IQGAP2: variants seen among roughly 807,000 people sequenced by gnomAD.
The protein encoded by IQGAP2 is ras GTPase-activating-like protein IQGAP2.
Under a neutral mutation model 201.3 loss-of-function variants are expected in IQGAP2, and 173 were observed. That is an observed-to-expected ratio of 0.86 (90% CI 0.76 to 0.98). IQGAP2 has a LOEUF of 0.98. Ranked by LOEUF, IQGAP2 falls within the 50% of genes least tolerant of loss-of-function variation. The probability of loss-of-function intolerance (pLI) is 0.00; values close to 1 mark genes in which losing one functional copy is unlikely to be tolerated. For missense variants in IQGAP2, 1,687 were observed against 1,864.8 expected (o/e 0.90, Z 1.76); for synonymous variants, 675 against 673.9 (o/e 1.00, Z -0.03).
chr5:76,506,505 G>C (rs1757614970), intron 2 of IQGAP2, among the ~76,000 whole-genome samples: 1 of 152,172 alleles, frequency 6.6e-6, no homozygotes, highest in South Asian at 2.1e-4. Flanking sequence ...TGACATAACA[G>C]TTAAGACAAC....
intron 1 of IQGAP2, among the ~76,000 whole-genome samples, chr5:76,448,396 C>G (rs1753534340): frequency 6.6e-6 from 1 of 152,154 alleles, no homozygotes; most frequent in South Asian, 2.1e-4. Context: ...GAATTCACAG[C>G]CTTCTTTTAT....
chr5:76,534,094 C>A (rs572331306), intron 2 of IQGAP2, among the ~76,000 whole-genome samples: 1 of 152,164 alleles, frequency 6.6e-6, no homozygotes, highest in Non-Finnish European at 1.5e-5. Context: ...TGACATTTTA[C>A]AGTGTTTTGA....
chr5:76,451,889 TAAATG>T (rs1753776213), intron 1 of IQGAP2, among the ~76,000 whole-genome samples: 2 of 152,048 alleles, frequency 1.3e-5, no homozygotes, highest in African/African-American at 4.8e-5. Flanking sequence ...ACAAAATAAT[TAAATG>T]AACGTGGTGA....
Position 76,483,780 on chromosome 5 carries a change from C to T in IQGAP2, c.146+22111C>T, listed in dbSNP as rs147565771. On this transcript the variant is annotated intron_variant, in intron 2 of 35. Coordinates refer to ENST00000274364, the MANE Select transcript of IQGAP2 (RefSeq NM_006633.5). ...TATAATTTTGTTCTCTTATGCTAGTCCTGCAGCCTCTTCTTTCCATCCCCA... is the reference window on the plus strand; with the variant it reads ...TATAATTTTGTTCTCTTATGCTAGTTCTGCAGCCTCTTCTTTCCATCCCCA... Among the ~76,000 whole-genome samples, 3 of 152,320 alleles carry T rather than the reference C, an allele frequency of 2.0e-5. 1 individual carries two copies. In the East Asian group the frequency reaches 5.8e-4, roughly 29 times the overall value.
chr5:76,421,913 T>C (rs1015750180), intron 1 of IQGAP2, among the ~76,000 whole-genome samples: 2 of 152,210 alleles, frequency 1.3e-5, no homozygotes, highest in Admixed American at 1.3e-4. Context: ...GGTCTTAACT[T>C]CCCTAGCTCA....
chr5:76,655,403 T>TTCCTACAA (rs549266332), intron 20 of IQGAP2, among the ~76,000 whole-genome samples: 92 of 152,330 alleles, frequency 6.0e-4, no homozygotes, highest in South Asian at 1.9e-3. Flanking sequence ...TGCAAATATC[T>TTCCTACAA]TCCTACAATT....
chr5:76,677,126 C>T (rs2303162), intron 27 of IQGAP2, 92 bp from the exon 28 acceptor site: 247,462 of 1,254,666 alleles, frequency 0.2, 27,098 homozygotes, highest in South Asian at 0.36. Flanking sequence ...GAACAAAGTA[C>T]ATGTCATCAT....
At chr5:76,647,676 C>G (rs1752164324) in intron 17 of IQGAP2, among the ~76,000 whole-genome samples, 1 of 152,130 alleles carries the variant, frequency 6.6e-6, no homozygotes, top group Non-Finnish European at 1.5e-5. Context: ...TCTTCCCAGT[C>G]TCAGGTATGT....
Position 76,693,352 on chromosome 5 carries a change from A to G in IQGAP2, c.3906-3A>G, listed in dbSNP as rs937969578. On this transcript the variant is annotated splice_polypyrimidine_tract_variant and splice_region_variant and intron_variant, in intron 30 of 35. Coordinates refer to ENST00000274364, the MANE Select transcript of IQGAP2 (RefSeq NM_006633.5). ...AGTCTGTCTCTTTCTCTGGTTTGTT[A>G]AGGACCAAGAAGCTGATAATTGATG... is the stretch of plus-strand genomic sequence containing the variant. 3.7e-6 allele frequency: 6 copies of G among 1,608,740 alleles called. No homozygotes were observed. The African/African-American group carries it at 8.0e-5, about 22-fold the overall frequency.
At chr5:76,488,063 ATCTGTGGTTT>A (rs986909971) in intron 2 of IQGAP2, among the ~76,000 whole-genome samples, 1 of 152,144 alleles carries the variant, frequency 6.6e-6, no homozygotes, top group African/African-American at 2.4e-5. Context: ...TGAGCCTCTC[ATCTGTGGTTT>A]TCTTGGGGAA....
At chr5:76,672,028 TA>T in intron 24 of IQGAP2, 45 bp downstream of exon 24, 1 of 1,393,634 alleles carries the variant, frequency 7.2e-7, no homozygotes, top group Non-Finnish European at 1.0e-6. Flanking sequence ...TGTTTTATGA[TA>T]TTTTTACATG....
intron 1 of IQGAP2, among the ~76,000 whole-genome samples, chr5:76,425,379 G>T (rs533500450): frequency 3.3e-5 from 5 of 152,180 alleles, no homozygotes; most frequent in African/African-American, 1.2e-4. Flanking sequence ...AGTCTGAATA[G>T]CAAACAGCTG....
intron 30 of IQGAP2, among the ~76,000 whole-genome samples, chr5:76,691,156 A>G (rs892841881): frequency 3.3e-5 from 5 of 152,292 alleles, no homozygotes; most frequent in East Asian, 1.9e-4. Flanking sequence ...GTTCCCTGTC[A>G]TGGGACTGGA....
intron 1 of IQGAP2, among the ~76,000 whole-genome samples, chr5:76,412,403 A>G (rs1486951147): frequency 1.3e-5 from 2 of 152,138 alleles, no homozygotes; most frequent in African/African-American, 4.8e-5. Flanking sequence ...TGGGCCCAAG[A>G]GATCCTCCCG....
intron 2 of IQGAP2, among the ~76,000 whole-genome samples, chr5:76,558,912 T>TC (rs112510432): frequency 6.6e-6 from 1 of 152,012 alleles, no homozygotes; most frequent in Admixed American, 6.5e-5. Context: ...TTTTTTTTTT[T>TC]CTTTTTGAGA....
At chr5:76,437,580 T>C (rs1411640878) in intron 1 of IQGAP2, among the ~76,000 whole-genome samples, 2 of 152,148 alleles carry the variant, frequency 1.3e-5, no homozygotes, top group African/African-American at 4.8e-5. Flanking sequence ...CCTGTGTCCA[T>C]GTGGTTTCAT....
intron 7 of IQGAP2, 22 bp downstream of exon 7, chr5:76,589,750 A>AG (rs1159645175): frequency 1.1e-5 from 16 of 1,394,348 alleles, no homozygotes; most frequent in Non-Finnish European, 1.4e-5. Flanking sequence ...CAAAATCCAA[A>AG]CTTGCCATGG....
At chr5:76,480,142 C>G (rs1008041282) in intron 2 of IQGAP2, among the ~76,000 whole-genome samples, 3 of 152,136 alleles carry the variant, frequency 2.0e-5, no homozygotes, top group African/African-American at 7.2e-5. Context: ...GAGACTTTGA[C>G]TTCTCTGCCT....
At chr5:76,640,307 C>T (rs1382934815) in intron 16 of IQGAP2, among the ~76,000 whole-genome samples, 6 of 152,156 alleles carry the variant, frequency 3.9e-5, no homozygotes, top group South Asian at 2.1e-4. Flanking sequence ...CATCTCTCAT[C>T]GGGCATAAAA....
Sources: gnomAD v4.1 joint callset for allele counts (sites outside exome capture counted in the v4.1 genomes callset) on GRCh38, gnomAD v4.1.1 for gene constraint, MANE v1.5 for transcripts, NCBI Gene and HGNC (gene_info 2026-07-23, HGNC 2026-07-21) for gene names.